OR51M1: variants seen among roughly 807,000 people sequenced by gnomAD.
The protein encoded by OR51M1 is olfactory receptor 51M1.
For missense variants in OR51M1, 509 were observed against 404.4 expected (o/e 1.26, Z -2.22); for synonymous variants, 199 against 155.1 (o/e 1.28, Z -2.10).
chr11:5,392,931 A>C lies in OR51M1; in HGVS notation c.*2552A>C, dbSNP rs1849818696. On this transcript the variant is annotated 3_prime_UTR_variant, in exon 3 of 3. Transcript: ENST00000642046. ...CTTCTCAAAAACAAAAAAAAAGAAA[A>C]ATAAATAAATATCTGTGCTGTTAAG... The C allele has an allele frequency of 1.8e-5, 1 of 55,820 alleles. No homozygotes were observed. Among genetic ancestry groups the C allele is most frequent in the South Asian group, 4.7e-4 (1 of 2,126 alleles). 3.5% of individuals were successfully genotyped at this position (55,820 alleles called of 1,614,324 possible).
chr11:5,384,905 G>A (rs185882822), intron 1 of OR51M1, among the ~76,000 whole-genome samples: 1 of 152,268 alleles, frequency 6.6e-6, no homozygotes, highest in Non-Finnish European at 1.5e-5. Context: ...TTCTCTAGGG[G>A]TTCAAAAATG....
rs1197049886 is a variant in OR51M1, at chr11:5,389,583, A to C, written c.185A>C (p.Lys62Thr). 1 of 1,613,884 alleles carries C rather than the reference A, an allele frequency of 6.2e-7. No individual in the cohort carries two copies. Among genetic ancestry groups the C allele is most frequent in the South Asian group, 1.1e-5 (1 of 91,082 alleles). The change falls in exon 3 of 3, where the codon AAG becomes ACG. Residue 62 changes from lysine (K) to threonine (T), a missense_variant. Transcript: ENST00000642046. ...SGNCFILIIIKTNPRLHTPMY... is the reference protein window; with the variant it reads ...SGNCFILIIITTNPRLHTPMY... ...AATTGTTTCATTCTGATCATTATTA[A>C]GACCAACCCTCGTCTGCACACACCC...
chr11:5,388,088 TAATG>T (rs1188492000), intron 2 of OR51M1, among the ~76,000 whole-genome samples: 12 of 152,132 alleles, frequency 7.9e-5, no homozygotes, highest in South Asian at 4.1e-4. Context: ...TTGAATCAAT[TAATG>T]AATAATTATT....
At position 5,391,183 on chromosome 11, in the gene OR51M1, G is replaced by A. The variant is rs1849790220; in HGVS notation, c.*804G>A. ...AAGTCACAATCCCATTGCTCAGGAG[G>A]AAATAAACTTTACATTGGCTGATCA... On this transcript the variant is annotated 3_prime_UTR_variant, in exon 3 of 3. Transcript: ENST00000642046. 6.6e-6 allele frequency: 1 copy of A among 152,352 alleles called. No individual in the cohort carries two copies. Among genetic ancestry groups the A allele is most frequent in the African/African-American group, 2.4e-5 (1 of 41,588 alleles). The allele number at this position is 152,352 out of a possible 1,614,324, so 9.4% of individuals were successfully genotyped here.
At chr11:5,385,061 G>C (rs1407139313) in intron 1 of OR51M1, among the ~76,000 whole-genome samples, 1 of 152,292 alleles carries the variant, frequency 6.6e-6, no homozygotes, top group African/African-American at 2.4e-5. Context: ...ACACAGGTGA[G>C]GTAGAGAGCC....
Position 5,390,412 on chromosome 11 carries a change from T to A in OR51M1, c.*33T>A. On this transcript the variant is annotated 3_prime_UTR_variant, in exon 3 of 3. Coordinates refer to ENST00000642046, the MANE Select transcript of OR51M1 (RefSeq NM_001004756.3). Reference sequence around the variant, plus strand: ...GGCTAAAACTCCCCCTAGAGGCCTATAAGAAGGCCCCAAATTGGACTGAAA... The same window carrying A: ...GGCTAAAACTCCCCCTAGAGGCCTAAAAGAAGGCCCCAAATTGGACTGAAA... The A allele has an allele frequency of 2.0e-6, 3 of 1,514,548 alleles. No individual in the cohort carries two copies. Among genetic ancestry groups the A allele is most frequent in the Non-Finnish European group, 2.7e-6 (3 of 1,128,080 alleles). 93.8% of individuals were successfully genotyped at this position (1,514,548 alleles called of 1,614,324 possible).
intron 1 of OR51M1, among the ~76,000 whole-genome samples, chr11:5,384,579 G>A (rs1471305238): frequency 6.6e-6 from 1 of 152,162 alleles, no homozygotes; most frequent in Non-Finnish European, 1.5e-5. Flanking sequence ...CCCCTCCCTG[G>A]ATCATGTCTA....
chr11:5,390,213 T>C lies in OR51M1; in HGVS notation c.815T>C (p.Leu272Pro). 1 of 1,614,028 alleles carries C rather than the reference T, an allele frequency of 6.2e-7. No homozygotes were observed. The highest frequency in any genetic ancestry group is 8.5e-7 in the Non-Finnish European group (1 of 1,179,882). Residue 272 changes from leucine to proline, a missense_variant, in exon 3 of 3, where the codon CTG becomes CCG. Physicochemically the swap from Leu to Pro is moderately conservative, Grantham distance 98 (BLOSUM62 -3). Transcript: ENST00000642046. Reference sequence around the variant, plus strand: ...TTTGTGCCCATGATGGGGCTGTCCCTGGTGCACCGTTTTGGGAAGCATGCC... The same window carrying C: ...TTTGTGCCCATGATGGGGCTGTCCCCGGTGCACCGTTTTGGGAAGCATGCC... ...VFFVPMMGLSLVHRFGKHAPP... is the reference protein window; with the variant it reads ...VFFVPMMGLSPVHRFGKHAPP...
Sources: allele counts gnomAD v4.1 joint callset (sites outside exome capture counted in the v4.1 genomes callset), GRCh38; gene constraint gnomAD v4.1.1; transcripts MANE v1.5; gene names NCBI Gene and HGNC (gene_info 2026-07-23, HGNC 2026-07-21).